Variants in RAB35 observed in about 807,000 individuals in gnomAD.
The protein encoded by RAB35 is ras-related protein Rab-35.
RAB35 carries 4 observed loss-of-function variants against 28.9 expected under a neutral mutation model. That is an observed-to-expected ratio of 0.14 (90% CI 0.07 to 0.32). RAB35 has a LOEUF of 0.32. Ranked by LOEUF, RAB35 falls within the 10% of genes least tolerant of loss-of-function variation. The pLI is 1.00. For synonymous variants in RAB35, 99 were observed against 105.1 expected, an observed-to-expected ratio of 0.94 and a Z score of 0.35; for missense variants, 128 against 274.0, an observed-to-expected ratio of 0.47 and a Z score of 3.76.
rs1023111136 is a variant in RAB35 at position 120,096,523 on chromosome 12, G to A, written c.*722C>T. ...TTGGTGTAAATGAGAAGCCATGGCT[G>A]CCCTGGGTTTGGAGCTCAGAGGCAT... On this transcript the variant is annotated 3_prime_UTR_variant, in exon 6 of 6. Coordinates refer to ENST00000229340, the MANE Select transcript of RAB35 (RefSeq NM_006861.7). 12 of 1,289,684 alleles carry A rather than the reference G, an allele frequency of 9.3e-6. No homozygotes were observed. Among genetic ancestry groups the A allele is most frequent in the African/African-American group, 1.5e-5 (1 of 65,784 alleles). The allele number at this position is 1,289,684 out of a possible 1,614,324, so 79.9% of individuals were successfully genotyped here.
In RAB35 at chr12:120,096,813, C is replaced by T. The variant is rs1344263950; in HGVS notation, c.*432G>A. The stretch of plus-strand genomic sequence containing the variant: ...GGGCTGGCCGCAGACGCAGCTAGAA[C>T]GTGCCGCTGTCTCCTCAGGACGCTG... On this transcript the variant is annotated 3_prime_UTR_variant, in exon 6 of 6. Transcript: ENST00000229340. 3.1e-6 allele frequency: 4 copies of T among 1,292,304 alleles called. No individual in the cohort carries two copies. Among genetic ancestry groups the T allele is most frequent in the South Asian group, 1.2e-5 (1 of 81,060 alleles). 80.1% of individuals were successfully genotyped at this position (1,292,304 alleles called of 1,614,324 possible).
rs961799069 is a variant in RAB35 at position 120,096,508 on chromosome 12, T to C, written c.*737A>G. The C allele has an allele frequency of 7.8e-7, 1 of 1,289,772 alleles. No individual in the cohort carries two copies. The highest frequency in any genetic ancestry group is 1.0e-6 in the Non-Finnish European group (1 of 988,874). 79.9% of individuals were successfully genotyped at this position (1,289,772 alleles called of 1,614,324 possible). A position where few individuals can be genotyped will look rare whatever the true frequency, so the allele number is the denominator to read the frequency against. The stretch of plus-strand genomic sequence containing the variant: ...TGGAACTGAAACCTGTTGGTGTAAA[T>C]GAGAAGCCATGGCTGCCCTGGGTTT... On this transcript the variant is annotated 3_prime_UTR_variant, in exon 6 of 6. Coordinates refer to ENST00000229340, the MANE Select transcript of RAB35 (RefSeq NM_006861.7).
At chr12:120,114,601 G>A (rs992535477) in intron 1 of RAB35, among the ~76,000 whole-genome samples, 7 of 152,206 alleles carry the variant, frequency 4.6e-5, no homozygotes, top group Admixed American at 2.6e-4. Flanking sequence ...TCAATGTCGG[G>A]AGAAATCAAA....
Position 120,096,280 on chromosome 12 carries a change from A to C in RAB35, c.*965T>G. 1 of 537,386 alleles carries C rather than the reference A, an allele frequency of 1.9e-6. No individual in the cohort carries two copies. The highest frequency in any genetic ancestry group is 2.9e-6 in the Non-Finnish European group (1 of 345,468). 33.3% of individuals were successfully genotyped at this position (537,386 alleles called of 1,614,324 possible). On this transcript the variant is annotated 3_prime_UTR_variant, in exon 6 of 6. Coordinates refer to ENST00000229340, the MANE Select transcript of RAB35 (RefSeq NM_006861.7). ...TCCAGCCCCACAATGGCAGGAAGCC[A>C]TTCATTTTTTTCTAAAAACAGTGGA...
Position 120,096,836 on chromosome 12 carries a change from C to A in RAB35, c.*409G>T. The A allele has an allele frequency of 7.7e-7, 1 of 1,295,980 alleles. No homozygotes were observed. Among genetic ancestry groups the A allele is most frequent in the Non-Finnish European group, 1.0e-6 (1 of 993,030 alleles). The allele number at this position is 1,295,980 out of a possible 1,614,324, so 80.3% of individuals were successfully genotyped here. A position where few individuals can be genotyped will look rare whatever the true frequency, so the allele number is the denominator to read the frequency against. ...AACGTGCCGCTGTCTCCTCAGGACG[C>A]TGCTTGCAGTAAGATGGGCTGGGGA... On this transcript the variant is annotated 3_prime_UTR_variant, in exon 6 of 6. Transcript: ENST00000229340.
At chr12:120,108,506 G>T in intron 1 of RAB35, 39 bp from the exon 2 acceptor site, 3 of 1,592,288 alleles carry the variant, frequency 1.9e-6, no homozygotes, top group Non-Finnish European at 2.6e-6. Flanking sequence ...GGGGCAGGTG[G>T]GTCCCCTCCC....
At chr12:120,100,469 A>G (rs1054838306) in intron 3 of RAB35, among the ~76,000 whole-genome samples, 1 of 152,222 alleles carries the variant, frequency 6.6e-6, no homozygotes, top group Non-Finnish European at 1.5e-5. Flanking sequence ...AACAGTCAGT[A>G]TGCGTTCTTC....
Position 120,112,919 on chromosome 12 carries a change from T to C in RAB35, c.52+3680A>G, listed in dbSNP as rs562851357. Among the ~76,000 whole-genome samples the C allele has an allele frequency of 3.3e-3, 493 of 148,916 alleles. 5 individuals are homozygous for C. The highest frequency in any genetic ancestry group is 0.012 in the African/African-American group (472 of 40,112). ...TTTTTTTTTTTTTTGAGATGAAGTC[T>C]CGCTCTTGTCCCCCAGGCTGGAGTA... On this transcript the variant is annotated intron_variant, in intron 1 of 5. Coordinates refer to ENST00000229340, the MANE Select transcript of RAB35 (RefSeq NM_006861.7).
intron 1 of RAB35, among the ~76,000 whole-genome samples, chr12:120,114,110 T>A (rs956904959): frequency 4.6e-5 from 7 of 152,214 alleles, no homozygotes; most frequent in Non-Finnish European, 8.8e-5. Flanking sequence ...TCCTTTTTTT[T>A]AAGACGGAGT....
At chr12:120,101,743 C>T (rs934340227) in intron 3 of RAB35, among the ~76,000 whole-genome samples, 11 of 124,714 alleles carry the variant, frequency 8.8e-5, no homozygotes, top group African/African-American at 3.2e-4. Flanking sequence ...ACACGTGGGA[C>T]GGCAGCAGGG....
rs1483258636 is a variant in RAB35, at chr12:120,096,395, G to A, written c.*850C>T. On this transcript the variant is annotated 3_prime_UTR_variant, in exon 6 of 6. Coordinates refer to ENST00000229340, the MANE Select transcript of RAB35 (RefSeq NM_006861.7). ...GTGAGGAATTTAATTCACTTGATTT[G>A]GCTTCATTTTCTTGATCTGTTAAAA... 8.0e-7 allele frequency: 1 copy of A among 1,253,480 alleles called. No individual in the cohort carries two copies. The highest frequency in any genetic ancestry group is 2.5e-5 in the Admixed American group (1 of 39,430). The allele number at this position is 1,253,480 out of a possible 1,614,324, so 77.6% of individuals were successfully genotyped here. A position where few individuals can be genotyped will look rare whatever the true frequency, so the allele number is the denominator to read the frequency against.
At chr12:120,105,294 C>T (rs551241704) in intron 2 of RAB35, among the ~76,000 whole-genome samples, 1 of 152,236 alleles carries the variant, frequency 6.6e-6, no homozygotes, top group South Asian at 2.1e-4. Flanking sequence ...GGCCAGCACC[C>T]GGGGTCTTCC....
intron 2 of RAB35, among the ~76,000 whole-genome samples, chr12:120,104,463 A>T: frequency 6.6e-6 from 1 of 152,202 alleles, no homozygotes; most frequent in Non-Finnish European, 1.5e-5. Context: ...CGGTCACATG[A>T]GGTCAAGCCT....
intron 5 of RAB35, among the ~76,000 whole-genome samples, chr12:120,098,240 G>A (rs1240993448): frequency 2.0e-5 from 3 of 152,260 alleles, no homozygotes; most frequent in Admixed American, 6.5e-5. Context: ...ACGGACATAG[G>A]TGACCCGGGG....
intron 1 of RAB35, among the ~76,000 whole-genome samples, chr12:120,116,256 G>A (rs1400729492): frequency 6.6e-6 from 1 of 152,160 alleles, no homozygotes; most frequent in Non-Finnish European, 1.5e-5. Flanking sequence ...GCTCAGGACG[G>A]CGAAGCAACT....
chr12:120,100,789 C>T (rs763957089), intron 3 of RAB35, among the ~76,000 whole-genome samples: 20 of 152,206 alleles, frequency 1.3e-4, no homozygotes, highest in Admixed American at 3.3e-4. Context: ...GCACTGGGCC[C>T]AAGAACTAGC....
In RAB35 at chr12:120,099,337, G is replaced by A. The variant is rs548647108; in HGVS notation, c.228-183C>T. The A allele has an allele frequency of 1.8e-4, 138 of 771,766 alleles. No homozygotes were observed. The African/African-American group carries it at 2.0e-3, about 11-fold the overall frequency. 47.8% of individuals were successfully genotyped at this position (771,766 alleles called of 1,614,324 possible). On this transcript the variant is annotated intron_variant, in intron 3 of 5. Transcript: ENST00000229340. The stretch of plus-strand genomic sequence containing the variant: ...ACAGGCCAGCAGGAGAGGCTACTGC[G>A]GCAGCACTGACTCCCCCTGCCCGCC...
At chr12:120,116,493 G>T in intron 1 of RAB35, 106 bp downstream of exon 1, 1 of 379,616 alleles carries the variant, frequency 2.6e-6, no homozygotes, top group Non-Finnish European at 3.6e-6. Flanking sequence ...TGCCCCGCCC[G>T]CCCGCCCCGC....
rs1566279877 is a variant in RAB35 at position 120,096,359 on chromosome 12, A to G, written c.*886T>C. ...GCTGTGCCAATCAAACCTCAGGGAA[A>G]GAAAATAATTGTGAGGAATTTAATT... On this transcript the variant is annotated 3_prime_UTR_variant, in exon 6 of 6. Transcript: ENST00000229340. The G allele has an allele frequency of 1.7e-6, 2 of 1,192,600 alleles. No individual in the cohort carries two copies. Among genetic ancestry groups the G allele is most frequent in the Non-Finnish European group, 2.2e-6 (2 of 925,604 alleles). The allele number at this position is 1,192,600 out of a possible 1,614,324, so 73.9% of individuals were successfully genotyped here.
Sources: allele counts gnomAD v4.1 joint callset (sites outside exome capture counted in the v4.1 genomes callset), GRCh38; gene constraint gnomAD v4.1.1; transcripts MANE v1.5; gene names NCBI Gene and HGNC (gene_info 2026-07-23, HGNC 2026-07-21).